The following APTX variants were observed in gnomAD, a reference collection of about 807,000 sequenced individuals.
APTX encodes aprataxin, also known as forkhead-associated domain histidine triad-like protein.
In APTX, 33 loss-of-function variants were observed where a neutral mutation model predicts 42.3. The ratio of observed to expected loss-of-function variants is 0.78; its 90% confidence interval spans 0.59 to 1.04. The LOEUF (loss-of-function observed/expected upper bound fraction) is 1.04. Among genes scored for constraint, APTX ranks in the 50% least tolerant of loss-of-function variants. The pLI is 0.00. For missense variants in APTX, 421 were observed against 415.1 expected, an observed-to-expected ratio of 1.01 and a Z score of -0.12; for synonymous variants, 130 against 146.7, an observed-to-expected ratio of 0.89 and a Z score of 0.82.
intron 1 of APTX, among the ~76,000 whole-genome samples, chr9:33,014,486 G>A (rs1397133169): frequency 7.3e-6 from 1 of 137,268 alleles, no homozygotes; most frequent in Non-Finnish European, 1.7e-5. Context: ...TAGCTGGGGA[G>A]CAGCAGGACA....
chr9:32,973,044 C>G lies in APTX; in HGVS notation c.*454G>C, dbSNP rs138490250. 2.3e-3 allele frequency: 1,027 copies of G among 454,342 alleles called. 8 individuals carry two copies. The highest frequency in any genetic ancestry group is 0.018 in the African/African-American group (917 of 50,126). 28.1% of individuals were successfully genotyped at this position (454,342 alleles called of 1,614,324 possible). A position where few individuals can be genotyped will look rare whatever the true frequency, so the allele number is the denominator to read the frequency against. On this transcript the variant is annotated 3_prime_UTR_variant, in exon 8 of 8. Coordinates refer to ENST00000379817, the MANE Select transcript of APTX (RefSeq NM_001195248.2). ...AGGGAAAAGAATATTACAAAACAGA[C>G]TAACAGAAAACAAGACCCATCAGTA...
At position 32,975,454 on chromosome 9, in the gene APTX, C is replaced by A. The variant is rs556950406; in HGVS notation, c.771-893G>T. On this transcript the variant is annotated intron_variant, in intron 6 of 7. Transcript: ENST00000379817. ...CGGCGGCTCACGCCTGTAATCCCAG[C>A]ACTTTGGGAGGCCGAGGCAGGTGGA... Among the ~76,000 whole-genome samples, 3 of 152,264 alleles carry A rather than the reference C, an allele frequency of 2.0e-5. No individual in the cohort carries two copies. In the South Asian group the frequency reaches 6.2e-4, roughly 32 times the overall value.
intron 1 of APTX, among the ~76,000 whole-genome samples, chr9:33,011,639 TAAAG>T (rs1224402107): frequency 6.6e-6 from 1 of 152,192 alleles, no homozygotes; most frequent in Admixed American, 6.5e-5. Context: ...ACCAGAATCT[TAAAG>T]AGAGGGAATG....
intron 1 of APTX, among the ~76,000 whole-genome samples, chr9:32,996,121 T>A (rs1418040854): frequency 6.6e-6 from 1 of 152,172 alleles, no homozygotes; most frequent in African/African-American, 2.4e-5. Flanking sequence ...GACTACAGTA[T>A]AGTATAAACA....
At chr9:32,980,447 A>C (rs1830433521) in intron 6 of APTX, 1 of 157,878 alleles carries the variant, frequency 6.3e-6, no homozygotes, top group African/African-American at 2.4e-5. Context: ...GCTGGAGGTG[A>C]GAAGTGTGTA....
intron 1 of APTX, among the ~76,000 whole-genome samples, chr9:32,998,726 G>A (rs1479619699): frequency 6.6e-6 from 1 of 152,058 alleles, no homozygotes; most frequent in East Asian, 1.9e-4. Context: ...GTCAGGGGGT[G>A]AGGGGCTAGG....
upstream of APTX, among the ~76,000 whole-genome samples, chr9:33,005,889 G>C (rs1196701932): frequency 6.6e-6 from 1 of 152,150 alleles, no homozygotes; most frequent in Admixed American, 6.5e-5. Flanking sequence ...AATCATTTAT[G>C]CAAGGATTTA....
At chr9:33,014,259 T>C (rs1837743617) in intron 1 of APTX, among the ~76,000 whole-genome samples, 1 of 152,212 alleles carries the variant, frequency 6.6e-6, no homozygotes, top group Non-Finnish European at 1.5e-5. Context: ...AGTACAGGAC[T>C]TTCTTGATGA....
chr9:32,989,065 G>A (rs1478557805), intron 2 of APTX, among the ~76,000 whole-genome samples: 1 of 152,216 alleles, frequency 6.6e-6, no homozygotes, highest in Non-Finnish European at 1.5e-5. Flanking sequence ...GCTGTTGTGA[G>A]GAAGGGAACA....
intron 6 of APTX, among the ~76,000 whole-genome samples, chr9:32,984,057 C>T (rs1358145118): frequency 6.6e-6 from 1 of 152,162 alleles, no homozygotes; most frequent in Non-Finnish European, 1.5e-5. Context: ...ACTCTAAAAT[C>T]TAGACTTATC....
At chr9:33,001,379 A>G (rs967307536) in intron 1 of APTX, 188 bp downstream of exon 1, 1 of 1,531,810 alleles carries the variant, frequency 6.5e-7, no homozygotes, top group African/African-American at 1.4e-5. Flanking sequence ...GTCGAAGACC[A>G]ACGCGAGCGC....
At chr9:33,010,719 CA>C (rs369862649) in intron 1 of APTX, among the ~76,000 whole-genome samples, 3,046 of 127,048 alleles carry the variant, frequency 0.024, 47 homozygotes, top group Non-Finnish European at 0.033. Flanking sequence ...AACCTCGTTC[CA>C]AAAAAAAAAA....
chr9:32,973,740 G>A (rs965284005), intron 7 of APTX, 88 bp from the exon 8 acceptor site: 4 of 1,533,536 alleles, frequency 2.6e-6, no homozygotes, highest in Non-Finnish European at 3.6e-6. Flanking sequence ...TCAAAAACGT[G>A]ACTCCAATCA....
intron 4 of APTX, 99 bp from the exon 5 acceptor site, chr9:32,986,129 A>C: frequency 9.3e-7 from 1 of 1,080,758 alleles, no homozygotes; most frequent in Non-Finnish European, 1.4e-6. Context: ...ATACTGTGTG[A>C]TAGCACAACT....
At chr9:33,002,902 T>C (rs1836793071), upstream of APTX, among the ~76,000 whole-genome samples, 1 of 152,188 alleles carries the variant, frequency 6.6e-6, no homozygotes, top group African/African-American at 2.4e-5. Context: ...GGGAGGATCT[T>C]CCAAGAAACA....
At chr9:32,977,954 CTTT>C (rs1475784569) in intron 6 of APTX, among the ~76,000 whole-genome samples, 1 of 152,156 alleles carries the variant, frequency 6.6e-6, no homozygotes, top group East Asian at 1.9e-4. Context: ...AAGTGTGTTG[CTTT>C]AAAAATCTAA....
In APTX at chr9:32,987,715, T is replaced by C; in HGVS notation, c.312A>G (p.Ala104=). 7 of 1,614,234 alleles carry C rather than the reference T, an allele frequency of 4.3e-6. No homozygotes were observed. Among genetic ancestry groups the C allele is most frequent in the Non-Finnish European group, 5.9e-6 (7 of 1,180,038 alleles). The change falls in exon 4 of 8, where the codon GCA becomes GCG. Residue 104 remains alanine, a synonymous_variant. Transcript: ENST00000379817. ...YPYIVEFEEE[A]KNPGLETHRK... ...TGTGTGTTTCCAGGCCAGGGTTCTT[T>C]GCCTCTTCCTCAAACTCTACAATAT... is the stretch of plus-strand genomic sequence containing the variant.
At chr9:32,988,890 G>A (rs936626298) in intron 2 of APTX, among the ~76,000 whole-genome samples, 1 of 152,182 alleles carries the variant, frequency 6.6e-6, no homozygotes, top group African/African-American at 2.4e-5. Flanking sequence ...CTAGAAAGAT[G>A]ATTGCAGAGA....
At chr9:32,985,136 T>C (rs187409187) in intron 5 of APTX, among the ~76,000 whole-genome samples, 26 of 152,296 alleles carry the variant, frequency 1.7e-4, no homozygotes, top group Admixed American at 1.3e-3. Context: ...AGATGCACAG[T>C]ACAAAATAGT....
Sources: allele counts gnomAD v4.1 joint callset (sites outside exome capture counted in the v4.1 genomes callset), GRCh38; gene constraint gnomAD v4.1.1; transcripts MANE v1.5; gene names NCBI Gene and HGNC (gene_info 2026-07-23, HGNC 2026-07-21).